CFAP74: variants seen among roughly 807,000 people sequenced by gnomAD.
CFAP74 encodes cilia- and flagella-associated protein 74.
In CFAP74, 124 loss-of-function variants were observed where a neutral mutation model predicts 188.9. The ratio of observed to expected loss-of-function variants is 0.66; its 90% confidence interval spans 0.57 to 0.76. The LOEUF (loss-of-function observed/expected upper bound fraction) is 0.76. Among genes scored for constraint, CFAP74 ranks in the 30% least tolerant of loss-of-function variants. CFAP74 has a pLI of 0.00. For synonymous variants in CFAP74, 956 were observed against 916.7 expected, an observed-to-expected ratio of 1.04 and a Z score of -0.77; for missense variants, 2,198 against 2,165.2, an observed-to-expected ratio of 1.02 and a Z score of -0.30.
chr1:1,974,105 GAGCCGCCGC>G lies in CFAP74; in HGVS notation c.585_593del (p.Arg196_Leu198del), dbSNP rs779872650. 1 of 1,612,474 alleles carries G rather than the reference GAGCCGCCGC, an allele frequency of 6.2e-7. No individual in the cohort carries two copies. The highest frequency in any genetic ancestry group is 8.5e-7 in the Non-Finnish European group (1 of 1,179,230). ...AGAGCTGCTCGGCTGCGCGCACCTG[GAGCCGCCGC>G]CCCGTGGCCTCCACCTCCTCACGGT... On this transcript the variant is annotated inframe_deletion, in exon 7 of 39. Transcript: ENST00000682832.
Position 1,955,751 on chromosome 1 carries a change from T to C in CFAP74, c.2116A>G (p.Met706Val), listed in dbSNP as rs760509301. 6.2e-7 allele frequency: 1 copy of C among 1,614,234 alleles called. No individual in the cohort carries two copies. The highest frequency in any genetic ancestry group is 1.7e-5 in the Admixed American group (1 of 60,028). Reference protein sequence around the residue: ...LEGTESSQADMQSRKELEKLD... With the variant: ...LEGTESSQADVQSRKELEKLD... ...TTCTCCAGCTCCTTCCGGCTCTGCA[T>C]GTCCGCCTGGGAGGACTCCGTGCCC... The change falls in exon 18 of 39, where the codon ATG becomes GTG. Residue 706 changes from methionine (M) to valine (V), a missense_variant. Transcript: ENST00000682832.
At chr1:1,927,853 G>A (rs1652039157) in intron 27 of CFAP74, 107 bp from the exon 28 acceptor site, 1 of 1,333,612 alleles carries the variant, frequency 7.5e-7, no homozygotes, top group Non-Finnish European at 1.0e-6. Context: ...AGCCGCAGTT[G>A]GGATTGAATG....
intron 8 of CFAP74, 35 bp from the exon 9 acceptor site, chr1:1,972,117 G>C: frequency 6.5e-7 from 1 of 1,537,288 alleles, no homozygotes; most frequent in South Asian, 1.1e-5. Context: ...TTGAGGCTCT[G>C]TCGCCCAGGC....
At chr1:1,938,442 T>TCA (rs961476501) in intron 25 of CFAP74, among the ~76,000 whole-genome samples, 3 of 150,188 alleles carry the variant, frequency 2.0e-5, no homozygotes, top group South Asian at 2.1e-4. Flanking sequence ...TCCTGCAGGC[T>TCA]CACACACACA....
At position 1,955,210 on chromosome 1, in the gene CFAP74, G is replaced by A. The variant is rs767949848; in HGVS notation, c.2176+481C>T. ...GATCTCGATGCGTATGTGGGAAAAC[G>A]ATCAAGAGAAGCAAGGAGGAGACGC... On this transcript the variant is annotated intron_variant, in intron 18 of 38. Coordinates refer to ENST00000682832, the MANE Select transcript of CFAP74 (RefSeq NM_001304360.2). The A allele has an allele frequency of 8.0e-5, 103 of 1,289,120 alleles. 1 individual carries two copies. Among genetic ancestry groups the A allele is most frequent in the Non-Finnish European group, 1.0e-4 (99 of 989,140 alleles). The allele number at this position is 1,289,120 out of a possible 1,614,324, so 79.9% of individuals were successfully genotyped here.
In CFAP74 at chr1:1,942,429, C is replaced by T. The variant is rs1457165696; in HGVS notation, c.2487-273G>A. 6.6e-6 allele frequency among the ~76,000 whole-genome samples: 1 copy of T among 152,162 alleles called. No homozygotes were observed. The highest frequency in any genetic ancestry group is 1.5e-5 in the Non-Finnish European group (1 of 68,012). ...ACGGTCCTAATGGGCTCTCGGGAAC[C>T]AGATGCTTTCCGGGAAGAGCACCTG... On this transcript the variant is annotated intron_variant, in intron 21 of 38. Transcript: ENST00000682832. The surrounding 1 kb of genome is among the most constrained non-coding windows in gnomAD (Gnocchi z 4.3).
intron 1 of CFAP74, among the ~76,000 whole-genome samples, chr1:1,991,681 A>G (rs1657571975): frequency 6.6e-6 from 1 of 152,214 alleles, no homozygotes; most frequent in Non-Finnish European, 1.5e-5. Flanking sequence ...GAAACTGTGT[A>G]ACATCAGTAT....
chr1:1,968,868 GTCCCCTGCCTC>G lies in CFAP74; in HGVS notation c.1047-46_1047-36del. 2.5e-6 allele frequency: 4 copies of G among 1,602,046 alleles called. No individual in the cohort carries two copies. The highest frequency in any genetic ancestry group is 2.6e-6 in the Non-Finnish European group (3 of 1,171,892). On this transcript the variant is annotated intron_variant, in intron 10 of 38. Transcript: ENST00000682832. This position sits in a 1 kb window ranked among gnomAD's most constrained non-coding sequence, Gnocchi z 4.3. ...GTCGCTTCTCAGATGAGTGCAAGAG[GTCCCCTGCCTC>G]CACCTTGCCCCAGATGAGACAGTGC...
intron 5 of CFAP74, among the ~76,000 whole-genome samples, chr1:1,986,125 C>T (rs1426026852): frequency 6.6e-6 from 1 of 152,196 alleles, no homozygotes; most frequent in East Asian, 1.9e-4. Flanking sequence ...TGGCTCACGC[C>T]TGTAATTCCA....
At chr1:1,938,413 C>T (rs1016014897) in intron 25 of CFAP74, among the ~76,000 whole-genome samples, 2 of 151,884 alleles carry the variant, frequency 1.3e-5, no homozygotes, top group African/African-American at 4.8e-5. Flanking sequence ...CCCATACACT[C>T]ACATACCTGC....
intron 28 of CFAP74, 21 bp from the exon 29 acceptor site, chr1:1,927,049 T>C: frequency 6.5e-7 from 1 of 1,549,944 alleles, no homozygotes. Flanking sequence ...GTCAGAGGCT[T>C]GCGCTCCCGC....
intron 18 of CFAP74, among the ~76,000 whole-genome samples, chr1:1,947,993 C>A (rs576681842): frequency 6.6e-6 from 1 of 152,188 alleles, no homozygotes; most frequent in Non-Finnish European, 1.5e-5. Context: ...CTGCCTCAGC[C>A]TTCCGAGTAG....
intron 2 of CFAP74, among the ~76,000 whole-genome samples, chr1:1,989,208 G>A (rs973158668): frequency 3.9e-5 from 6 of 152,100 alleles, no homozygotes; most frequent in East Asian, 1.9e-4. Context: ...GACGGACAGC[G>A]GGGAGCAAGG....
intron 1 of CFAP74, among the ~76,000 whole-genome samples, chr1:1,994,602 T>C (rs1435426860): frequency 2.0e-5 from 3 of 152,222 alleles, no homozygotes; most frequent in African/African-American, 7.2e-5. Flanking sequence ...TCAGAAACTA[T>C]TTAGAAAATG....
rs1470830950 is a variant in CFAP74 at position 1,994,863 on chromosome 1, A to G, written c.-19-3888T>C. Reference sequence around the variant, plus strand: ...TAGATTTATTGTTTTCAGTACATGAATCTACCAGGGCAAGGGTCATTGGGA... The same window carrying G: ...TAGATTTATTGTTTTCAGTACATGAGTCTACCAGGGCAAGGGTCATTGGGA... On this transcript the variant is annotated intron_variant, in intron 1 of 38. Transcript: ENST00000682832. Among the ~76,000 whole-genome samples the G allele has an allele frequency of 2.0e-5, 3 of 152,174 alleles. 1 individual carries two copies. Among genetic ancestry groups the G allele is most frequent in the African/African-American group, 7.2e-5 (3 of 41,414 alleles).
intron 6 of CFAP74, among the ~76,000 whole-genome samples, chr1:1,981,842 C>T (rs1656893128): frequency 7.6e-6 from 1 of 132,392 alleles, no homozygotes. Flanking sequence ...CACGGGGGCA[C>T]GCAGGACACC....
At chr1:1,925,092 A>G (rs368800197) in intron 33 of CFAP74, among the ~76,000 whole-genome samples, 45 of 144,352 alleles carry the variant, frequency 3.1e-4, no homozygotes, top group African/African-American at 8.2e-4. Context: ...GAGGGCACAC[A>G]CTGGTGCGAA....
At position 1,922,765 on chromosome 1, in the gene CFAP74, G is replaced by A. The variant is rs369637687; in HGVS notation, c.4684-42C>T. On this transcript the variant is annotated intron_variant, in intron 37 of 38. Coordinates refer to ENST00000682832, the MANE Select transcript of CFAP74 (RefSeq NM_001304360.2). ...TCCTGTAGGCTGGCGACCAGGCACC[G>A]CTCCCAGAAGCAGTGGGACTAGGGG... is the stretch of plus-strand genomic sequence containing the variant. The A allele has an allele frequency of 8.0e-5, 126 of 1,584,102 alleles. 1 individual carries two copies. In the African/African-American group the frequency reaches 8.2e-4, roughly 10 times the overall value.
intron 23 of CFAP74, 72 bp from the exon 24 acceptor site, chr1:1,939,839 C>T (rs929713610): frequency 3.3e-5 from 46 of 1,395,210 alleles, no homozygotes; most frequent in East Asian, 2.3e-4. Flanking sequence ...AACTCTGAGG[C>T]GCAACCACTG....
Sources: allele counts gnomAD v4.1 joint callset (sites outside exome capture counted in the v4.1 genomes callset), GRCh38; gene constraint gnomAD v4.1.1; non-coding constraint Gnocchi (gnomAD v3.1); transcripts MANE v1.5; gene names NCBI Gene and HGNC (gene_info 2026-07-23, HGNC 2026-07-21).